PARP9: variants seen among roughly 807,000 people sequenced by gnomAD.
PARP9 encodes the protein poly(ADP-ribose) polymerase family member 9.
In PARP9, 48 loss-of-function variants were observed where a neutral mutation model predicts 68.8. The ratio of observed to expected loss-of-function variants is 0.70; its 90% CI spans 0.55 to 0.89. PARP9 has a LOEUF of 0.89. Ranked by LOEUF, PARP9 falls within the 40% of genes least tolerant of loss-of-function variation. The probability of loss-of-function intolerance (pLI) is 0.00; values close to 1 mark genes in which losing one functional copy is unlikely to be tolerated. For synonymous variants in PARP9, 309 were observed against 333.8 expected (o/e 0.93, Z 0.81); for missense variants, 806 against 969.3 (o/e 0.83, Z 2.24).
chr3:122,552,915 T>G (rs1401937107), intron 4 of PARP9, among the ~76,000 whole-genome samples: 4 of 152,198 alleles, frequency 2.6e-5, no homozygotes, highest in African/African-American at 9.7e-5. Flanking sequence ...TGTATTACCT[T>G]ACCAGATGGC....
intron 3 of PARP9, among the ~76,000 whole-genome samples, chr3:122,556,842 G>A (rs2079729322): frequency 6.6e-6 from 1 of 151,956 alleles, no homozygotes; most frequent in Non-Finnish European, 1.5e-5. Context: ...TTTGAGACAG[G>A]GTCTCACTGT....
intron 10 of PARP9, among the ~76,000 whole-genome samples, chr3:122,529,652 G>A (rs1341292882): frequency 6.6e-6 from 1 of 151,868 alleles, no homozygotes; most frequent in East Asian, 1.9e-4. Context: ...TACTCCGGGG[G>A]CTGAGGCAGG....
chr3:122,556,241 A>G (rs2079653698), intron 3 of PARP9, 120 bp from the exon 4 acceptor site: 1 of 658,240 alleles, frequency 1.5e-6, no homozygotes, highest in Non-Finnish European at 2.5e-6. Context: ...CAAAAGAGAG[A>G]TGAACTTCAT....
intron 8 of PARP9, among the ~76,000 whole-genome samples, chr3:122,539,634 C>T (rs2078030808): frequency 6.6e-6 from 1 of 150,440 alleles, no homozygotes; most frequent in African/African-American, 2.5e-5. Context: ...GATCTTGGTT[C>T]ACTGCAACCT....
intron 7 of PARP9, among the ~76,000 whole-genome samples, chr3:122,542,157 T>C (rs1000565528): frequency 6.6e-6 from 1 of 152,030 alleles, no homozygotes; most frequent in Non-Finnish European, 1.5e-5. Flanking sequence ...TTATCCATTA[T>C]TATCAAGAGA....
intron 10 of PARP9, chr3:122,532,367 G>C: frequency 1.0e-6 from 1 of 985,214 alleles, no homozygotes; most frequent in Non-Finnish European, 1.2e-6. Flanking sequence ...GAGGACAATG[G>C]GAGCCATAAG....
intron 6 of PARP9, among the ~76,000 whole-genome samples, chr3:122,547,013 T>TATATATAC (rs1491341009): frequency 1.3e-4 from 8 of 61,440 alleles, no homozygotes; most frequent in Non-Finnish European, 2.1e-4. Flanking sequence ...TATATATATA[T>TATATATAC]ACACACACAC....
chr3:122,536,798 T>C (rs954724437), intron 9 of PARP9, 136 bp downstream of exon 9: 1 of 1,066,204 alleles, frequency 9.4e-7, no homozygotes, highest in African/African-American at 1.6e-5. Flanking sequence ...TGCTCTCTTT[T>C]CAGTCTTACT....
At position 122,552,614 on chromosome 3, in the gene PARP9, T is replaced by C. The variant is rs34328965; in HGVS notation, c.911A>G (p.Asn304Ser). The change falls in exon 5 of 11, where the codon AAC (asparagine) becomes AGC (serine). Residue 304 changes from asparagine (N) to serine (S), a missense_variant. Coordinates refer to ENST00000682323, the MANE Select transcript of PARP9 (RefSeq NM_001146105.2). ...QTADVIVNSV[N>S]PHDITVGPVA... is the part of the protein sequence containing the mutation. ...AGGTCCAACTGTAATATCATGTGGG[T>C]TTACAGAATTAACAATTACATCTGC... is the stretch of plus-strand genomic sequence containing the variant. 1.9e-6 allele frequency: 3 copies of C among 1,611,804 alleles called. No homozygotes were observed. Among genetic ancestry groups the C allele is most frequent in the Non-Finnish European group, 2.5e-6 (3 of 1,178,102 alleles).
intron 8 of PARP9, among the ~76,000 whole-genome samples, chr3:122,537,381 G>A (rs1477552452): frequency 6.6e-6 from 1 of 152,168 alleles, no homozygotes; most frequent in Non-Finnish European, 1.5e-5. Flanking sequence ...TTGCTCATAG[G>A]AAATGTTTTT....
chr3:122,544,129 T>C (rs2078496847), intron 7 of PARP9, among the ~76,000 whole-genome samples: 2 of 152,194 alleles, frequency 1.3e-5, no homozygotes, highest in Admixed American at 6.5e-5. Flanking sequence ...CTGGATTTCT[T>C]TGCTCCTGTG....
chr3:122,562,165 TTTCTTTTC>T lies in PARP9; in HGVS notation c.-90+2072_-90+2079del, dbSNP rs765945866. Among the ~76,000 whole-genome samples, 13 of 50,198 alleles carry T rather than the reference TTTCTTTTC, an allele frequency of 2.6e-4. No homozygotes were observed. In the East Asian group the frequency reaches 4.8e-3, roughly 19 times the overall value. The allele number at this position is 50,198 out of a possible 152,430, so 32.9% of individuals were successfully genotyped here. A position where few individuals can be genotyped will look rare whatever the true frequency, so the allele number is the denominator to read the frequency against. Reference sequence around the variant, plus strand: ...GAGCTGTGGCAATATACTCTTTTCTTTTCTTTTCTTTTCTTTTCTTTTCTTTTCTTTTC... The same window carrying T: ...GAGCTGTGGCAATATACTCTTTTCTTTTTTCTTTTCTTTTCTTTTCTTTTC... On this transcript the variant is annotated intron_variant, in intron 1 of 10. Transcript: ENST00000682323.
intron 5 of PARP9, among the ~76,000 whole-genome samples, chr3:122,551,188 G>A (rs2079174735): frequency 2.6e-5 from 4 of 152,192 alleles, no homozygotes; most frequent in Non-Finnish European, 5.9e-5. Flanking sequence ...AAATAAGAAA[G>A]CAGCACTTAT....
At position 122,555,727 on chromosome 3, in the gene PARP9, C is replaced by T. The variant is rs950392882; in HGVS notation, c.444G>A (p.Thr148=). The T allele has an allele frequency of 9.3e-6, 15 of 1,613,882 alleles. No individual in the cohort carries two copies. Among genetic ancestry groups the T allele is most frequent in the South Asian group, 4.4e-5 (4 of 91,062 alleles). The change falls in exon 4 of 11, where the codon ACG becomes ACA. Residue 148 remains threonine, a synonymous_variant. Transcript: ENST00000682323. ...GKVSAGEIAV[T]GAGRLPCKQI... Reference sequence around the variant, plus strand: ...GTTTGCAGGGAAGCCTCCCTGCTCCCGTGACAGCTATCTCACCAGCTGACA... The same window carrying T: ...GTTTGCAGGGAAGCCTCCCTGCTCCTGTGACAGCTATCTCACCAGCTGACA...
chr3:122,530,374 G>A (rs1359269142), intron 10 of PARP9, among the ~76,000 whole-genome samples: 1 of 152,024 alleles, frequency 6.6e-6, no homozygotes, highest in Non-Finnish European at 1.5e-5. Flanking sequence ...GAATCTCCAC[G>A]TGCATGTTAT....
intron 8 of PARP9, among the ~76,000 whole-genome samples, chr3:122,539,289 C>A (rs1263177221): frequency 1.3e-5 from 2 of 152,142 alleles, no homozygotes; most frequent in Non-Finnish European, 2.9e-5. Context: ...GGGTTAGGTG[C>A]CTCTCCGCAG....
At position 122,556,141 on chromosome 3, in the gene PARP9, TA is replaced by T. The variant is rs745677021; in HGVS notation, c.50-21del. ...CAGTCTCTGGAAAAGAAGAGAAGAT[TA>T]AAAAAAAAAAAAAAAAAAAAAAAAA... On this transcript the variant is annotated intron_variant, in intron 3 of 10. Coordinates refer to ENST00000682323, the MANE Select transcript of PARP9 (RefSeq NM_001146105.2). 502 of 209,802 alleles carry T rather than the reference TA, an allele frequency of 2.4e-3. No homozygotes were observed. Among genetic ancestry groups the T allele is most frequent in the African/African-American group, 0.011 (240 of 21,192 alleles). The allele number at this position is 209,802 out of a possible 1,614,324, so 13.0% of individuals were successfully genotyped here. A position where few individuals can be genotyped will look rare whatever the true frequency, so the allele number is the denominator to read the frequency against.
chr3:122,540,185 G>A (rs1381491987), intron 8 of PARP9, among the ~76,000 whole-genome samples: 1 of 152,182 alleles, frequency 6.6e-6, no homozygotes, highest in Admixed American at 6.5e-5. Context: ...CCCATGGCTT[G>A]GGCTTGAGTT....
Position 122,528,171 on chromosome 3 carries a change from AC to A in PARP9, c.*192del, listed in dbSNP as rs2077067549. On this transcript the variant is annotated 3_prime_UTR_variant, in exon 11 of 11. Coordinates refer to ENST00000682323, the MANE Select transcript of PARP9 (RefSeq NM_001146105.2). ...AAAGTGTTTCATTTGGTATCTACCT[AC>A]CCCAACCCCAAGACATAAAGACAGA... The A allele has an allele frequency of 1.7e-6, 1 of 605,142 alleles. No individual in the cohort carries two copies. The highest frequency in any genetic ancestry group is 2.7e-6 in the Non-Finnish European group (1 of 371,690). 37.5% of individuals were successfully genotyped at this position (605,142 alleles called of 1,614,324 possible).
Sources: gnomAD v4.1 joint callset for allele counts (sites outside exome capture counted in the v4.1 genomes callset) on GRCh38, gnomAD v4.1.1 for gene constraint, MANE v1.5 for transcripts, NCBI Gene and HGNC (gene_info 2026-07-23, HGNC 2026-07-21) for gene names.